DSCAML1: variants seen among roughly 807,000 people sequenced by gnomAD.
DSCAML1 encodes the protein DS cell adhesion molecule like 1.
Under a neutral mutation model 200.5 loss-of-function variants are expected in DSCAML1, and 38 were observed. That is an observed-to-expected ratio of 0.19 (90% CI 0.15 to 0.25). DSCAML1 has a LOEUF of 0.25. Ranked by LOEUF, DSCAML1 falls within the 10% of genes least tolerant of loss-of-function variation. The pLI, the probability that DSCAML1 is intolerant of heterozygous loss-of-function variation, is 1.00. For missense variants in DSCAML1, 2,223 were observed against 2,858.8 expected (o/e 0.78, Z 5.07); for synonymous variants, 1,215 against 1,165.0 (o/e 1.04, Z -0.87).
intron 3 of DSCAML1, among the ~76,000 whole-genome samples, chr11:117,741,539 A>T (rs6589620): frequency 0.9 from 137,454 of 152,322 alleles, 62,848 homozygotes; most frequent in South Asian, 0.99. Flanking sequence ...TTGCATCACC[A>T]AAGTGGGAAT....
intron 3 of DSCAML1, among the ~76,000 whole-genome samples, chr11:117,769,951 C>T (rs2055007352): frequency 6.6e-6 from 1 of 152,138 alleles, no homozygotes; most frequent in Non-Finnish European, 1.5e-5. Context: ...AGGTCTCTCA[C>T]CACTTCTTCT....
intron 3 of DSCAML1, among the ~76,000 whole-genome samples, chr11:117,659,545 C>A (rs927259729): frequency 1.3e-5 from 2 of 152,126 alleles, no homozygotes; most frequent in African/African-American, 4.8e-5. Flanking sequence ...TGTTTAAGCA[C>A]GGGTCTTATT....
rs1276741631 is a variant in DSCAML1, at chr11:117,524,788, G to T, written c.937+17C>A. The T allele has an allele frequency of 2.6e-6, 4 of 1,562,314 alleles. No individual in the cohort carries two copies. Among genetic ancestry groups the T allele is most frequent in the Non-Finnish European group, 8.7e-7 (1 of 1,152,818 alleles). Reference sequence around the variant, plus strand: ...TCAGAGGTTACTGGGGCTGCAGAAGGGGCTTCCCCGACTCACCAATGACCA... The same window carrying T: ...TCAGAGGTTACTGGGGCTGCAGAAGTGGCTTCCCCGACTCACCAATGACCA... On this transcript the variant is annotated intron_variant, in intron 5 of 32. Coordinates refer to ENST00000651296, the MANE Select transcript of DSCAML1 (RefSeq NM_020693.4).
intron 3 of DSCAML1, among the ~76,000 whole-genome samples, chr11:117,728,541 C>A (rs1467313864): frequency 7.6e-5 from 1 of 13,174 alleles, no homozygotes; most frequent in Non-Finnish European, 2.7e-3. Flanking sequence ...TATAAAAAAC[C>A]CTTAGGAATT....
At chr11:117,761,086 C>A (rs1022507903) in intron 3 of DSCAML1, among the ~76,000 whole-genome samples, 8 of 152,280 alleles carry the variant, frequency 5.3e-5, no homozygotes, top group East Asian at 3.9e-4. Context: ...TCTGGATACT[C>A]ATCCGATAAA....
At chr11:117,650,798 A>G (rs571729780) in intron 3 of DSCAML1, among the ~76,000 whole-genome samples, 6 of 152,110 alleles carry the variant, frequency 3.9e-5, no homozygotes, top group Non-Finnish European at 8.8e-5. Flanking sequence ...AGGACTCGGC[A>G]GCTAATTGCC....
chr11:117,433,611 T>A, intron 27 of DSCAML1, 140 bp from the exon 28 acceptor site: 1 of 856,996 alleles, frequency 1.2e-6, no homozygotes. Flanking sequence ...GAAGGAGAAA[T>A]GTAAGGACCT....
intron 3 of DSCAML1, among the ~76,000 whole-genome samples, chr11:117,694,354 T>C (rs11216507): frequency 0.15 from 22,960 of 149,942 alleles, 2,608 homozygotes; most frequent in African/African-American, 0.32. Context: ...TGCAGTGAGC[T>C]GAGATAGCAC....
intron 3 of DSCAML1, among the ~76,000 whole-genome samples, chr11:117,659,574 G>A (rs1014467251): frequency 3.3e-5 from 5 of 152,198 alleles, no homozygotes; most frequent in African/African-American, 1.2e-4. Context: ...AAGGGCAAGA[G>A]TTTGTGCAAT....
At position 117,769,479 on chromosome 11, in the gene DSCAML1, TAATATATA is replaced by T. The variant is rs2054990495; in HGVS notation, c.511+7304_511+7311del. On this transcript the variant is annotated intron_variant, in intron 3 of 32. Coordinates refer to ENST00000651296, the MANE Select transcript of DSCAML1 (RefSeq NM_020693.4). ...ATATATAATATATATTTTATATATA[TAATATATA>T]TTTTATATATATAATATATATTTTA... Among the ~76,000 whole-genome samples, 7 of 85,712 alleles carry T rather than the reference TAATATATA, an allele frequency of 8.2e-5. 1 individual carries two copies. The highest frequency in any genetic ancestry group is 7.8e-4 in the South Asian group (3 of 3,832). The allele number at this position is 85,712 out of a possible 152,430, so 56.2% of individuals were successfully genotyped here. A position where few individuals can be genotyped will look rare whatever the true frequency, so the allele number is the denominator to read the frequency against.
At chr11:117,612,514 T>C (rs1260664101) in intron 3 of DSCAML1, among the ~76,000 whole-genome samples, 1 of 152,186 alleles carries the variant, frequency 6.6e-6, no homozygotes, top group Admixed American at 6.5e-5. Context: ...AAAGGTAGTT[T>C]TGCTTGACAA....
intron 3 of DSCAML1, among the ~76,000 whole-genome samples, chr11:117,722,906 C>T (rs1031443442): frequency 6.6e-6 from 1 of 152,142 alleles, no homozygotes; most frequent in Non-Finnish European, 1.5e-5. Flanking sequence ...ATGTCCTACC[C>T]ATAACTCCAG....
intron 8 of DSCAML1, among the ~76,000 whole-genome samples, chr11:117,512,651 C>CGT (rs1469781474): frequency 5.7e-5 from 4 of 70,450 alleles, no homozygotes; most frequent in Admixed American, 2.7e-4. Context: ...TGTACACACA[C>CGT]ACACACACAC....
intron 3 of DSCAML1, among the ~76,000 whole-genome samples, chr11:117,565,220 G>A (rs1411117301): frequency 6.6e-6 from 1 of 152,096 alleles, no homozygotes; most frequent in Non-Finnish European, 1.5e-5. Flanking sequence ...CGTTTTGGGG[G>A]TACATGTGAT....
chr11:117,528,939 C>A (rs552329555), intron 4 of DSCAML1, among the ~76,000 whole-genome samples: 80 of 151,500 alleles, frequency 5.3e-4, no homozygotes, highest in African/African-American at 1.5e-3. Flanking sequence ...CCCGCCCCCC[C>A]CCTTGGGAAT....
At chr11:117,453,893 C>A (rs1419472819) in intron 19 of DSCAML1, among the ~76,000 whole-genome samples, 1 of 152,008 alleles carries the variant, frequency 6.6e-6, no homozygotes, top group Non-Finnish European at 1.5e-5. Context: ...CAGGCACCTG[C>A]CACTGCACCT....
At position 117,521,375 on chromosome 11, in the gene DSCAML1, T is replaced by G; in HGVS notation, c.968A>C (p.Lys323Thr). ...DPLHVTLTPK[K>T]LKTGIGSTVI... ...CGTGCTGCCAATGCCGGTCTTCAGC[T>G]TCTTTGGTGTCAGGGTCACATGAAG... is the stretch of plus-strand genomic sequence containing the variant. Residue 323 changes from lysine to threonine, a missense_variant, in exon 6 of 33, where the codon AAG becomes ACG. Physicochemically the swap from Lys to Thr is moderately conservative, Grantham distance 78 (BLOSUM62 -1). Around this residue, in one of 7 missense-constraint regions of DSCAML1, gnomAD observed 579 missense variants for 721.5 expected, o/e 0.80. Coordinates refer to ENST00000651296, the MANE Select transcript of DSCAML1 (RefSeq NM_020693.4). 6.2e-7 allele frequency: 1 copy of G among 1,613,910 alleles called. No homozygotes were observed. Among genetic ancestry groups the G allele is most frequent in the Non-Finnish European group, 8.5e-7 (1 of 1,179,866 alleles).
chr11:117,594,139 C>T (rs776110700), intron 3 of DSCAML1, among the ~76,000 whole-genome samples: 1 of 152,160 alleles, frequency 6.6e-6, no homozygotes, highest in African/African-American at 2.4e-5. Context: ...AAGAGGGGCA[C>T]TCAGTATAAA....
At chr11:117,632,082 C>T (rs1181182290) in intron 3 of DSCAML1, among the ~76,000 whole-genome samples, 3 of 152,212 alleles carry the variant, frequency 2.0e-5, no homozygotes, top group Non-Finnish European at 2.9e-5. Context: ...TGCCCGATGT[C>T]GACAGTCCTA....
Sources: allele counts gnomAD v4.1 joint callset (sites outside exome capture counted in the v4.1 genomes callset), GRCh38; gene constraint gnomAD v4.1.1; regional missense constraint gnomAD v4.1.1; transcripts MANE v1.5; gene names NCBI Gene and HGNC (gene_info 2026-07-23, HGNC 2026-07-21).